Variants in CLSTN2 observed in about 807,000 individuals in gnomAD.
CLSTN2 encodes calsyntenin-2.
In CLSTN2, 48 loss-of-function variants were observed where a neutral mutation model predicts 101.2. The ratio of observed to expected loss-of-function variants is 0.47; its 90% CI spans 0.38 to 0.60. The LOEUF is 0.60. Among genes scored for constraint, CLSTN2 ranks in the 20% least tolerant of loss-of-function variants. The probability of loss-of-function intolerance (pLI) is 0.00; values close to 1 mark genes in which losing one functional copy is unlikely to be tolerated. For synonymous variants in CLSTN2, 481 were observed against 463.6 expected, an observed-to-expected ratio of 1.04 and a Z score of -0.48; for missense variants, 1,160 against 1,238.2, an observed-to-expected ratio of 0.94 and a Z score of 0.95.
At position 140,057,108 on chromosome 3, in the gene CLSTN2, G is replaced by A. The variant is rs112092931; in HGVS notation, c.110-118843G>A. Among the ~76,000 whole-genome samples, 1,277 of 152,348 alleles carry A rather than the reference G, an allele frequency of 8.4e-3. 6 individuals are homozygous for A. The highest frequency in any genetic ancestry group is 0.012 in the Non-Finnish European group (826 of 68,040). On this transcript the variant is annotated intron_variant, in intron 1 of 16. Transcript: ENST00000458420. The stretch of plus-strand genomic sequence containing the variant: ...TAGTAGGCATTTTTCCATGAAGCAA[G>A]TGTCATTATGCCCATGCACAGATGA...
At chr3:139,975,972 G>T (rs1162848747) in intron 1 of CLSTN2, among the ~76,000 whole-genome samples, 1 of 152,208 alleles carries the variant, frequency 6.6e-6, no homozygotes. Context: ...GAGAGACTCA[G>T]GTTTGTGGGT....
intron 8 of CLSTN2, among the ~76,000 whole-genome samples, chr3:140,499,865 C>A (rs1029063395): frequency 1.3e-5 from 2 of 152,054 alleles, no homozygotes; most frequent in Admixed American, 6.6e-5. Flanking sequence ...GAGATCGAGA[C>A]CATCCTGGCT....
At chr3:139,946,292 G>T (rs908701807) in intron 1 of CLSTN2, among the ~76,000 whole-genome samples, 1 of 152,192 alleles carries the variant, frequency 6.6e-6, no homozygotes, top group African/African-American at 2.4e-5. Context: ...AGCTGGAGAT[G>T]CTTCTGCCTG....
At chr3:140,555,195 G>T (rs148734758) in intron 10 of CLSTN2, among the ~76,000 whole-genome samples, 121 of 152,316 alleles carry the variant, frequency 7.9e-4, no homozygotes, top group African/African-American at 2.8e-3. Context: ...CCATGAACTG[G>T]TTATTAAATC....
chr3:140,073,894 G>T (rs2008439101), intron 1 of CLSTN2, among the ~76,000 whole-genome samples: 2 of 152,094 alleles, frequency 1.3e-5, no homozygotes, highest in Admixed American at 6.5e-5. Context: ...CTGTGAACTT[G>T]CCTGAAAAGC....
chr3:140,219,292 AT>A (rs1373144572), intron 2 of CLSTN2, among the ~76,000 whole-genome samples: 1 of 152,036 alleles, frequency 6.6e-6, no homozygotes, highest in East Asian at 2.0e-4. Flanking sequence ...TTCTCATCTT[AT>A]CAAAGACCTT....
intron 1 of CLSTN2, among the ~76,000 whole-genome samples, chr3:140,159,329 C>A (rs2010008327): frequency 6.6e-6 from 1 of 151,812 alleles, no homozygotes; most frequent in Non-Finnish European, 1.5e-5. Flanking sequence ...ATTTAACAAG[C>A]AGAAAACATC....
chr3:140,118,624 G>T (rs1376997103), intron 1 of CLSTN2, among the ~76,000 whole-genome samples: 1 of 152,192 alleles, frequency 6.6e-6, no homozygotes, highest in Non-Finnish European at 1.5e-5. Flanking sequence ...TAGAAAGACT[G>T]GGGGATAGAA....
chr3:140,300,215 A>G (rs961028711), intron 2 of CLSTN2, among the ~76,000 whole-genome samples: 2 of 152,230 alleles, frequency 1.3e-5, no homozygotes, highest in Non-Finnish European at 2.9e-5. Context: ...AATGCATAAG[A>G]ATCAAGTTCC....
intron 2 of CLSTN2, among the ~76,000 whole-genome samples, chr3:140,369,834 A>G (rs938450939): frequency 2.0e-5 from 3 of 152,222 alleles, no homozygotes; most frequent in Non-Finnish European, 4.4e-5. Flanking sequence ...ATGGACACAC[A>G]TGGCCCCACT....
intron 2 of CLSTN2, among the ~76,000 whole-genome samples, chr3:140,246,603 A>G (rs949549077): frequency 1.3e-5 from 2 of 152,236 alleles, no homozygotes; most frequent in African/African-American, 4.8e-5. Context: ...TAACATACAT[A>G]GCAAAATGCC....
intron 1 of CLSTN2, among the ~76,000 whole-genome samples, chr3:140,032,589 G>A (rs951055913): frequency 2.0e-5 from 3 of 151,962 alleles, no homozygotes; most frequent in African/African-American, 4.8e-5. Flanking sequence ...TGCCCACCTC[G>A]GGCTCCCAAA....
In CLSTN2 at chr3:139,958,507, A is replaced by T. The variant is rs1935449063; in HGVS notation, c.109+23024A>T. Among the ~76,000 whole-genome samples, 3 of 152,152 alleles carry T rather than the reference A, an allele frequency of 2.0e-5. No individual in the cohort carries two copies. The South Asian group carries it at 6.2e-4, about 32-fold the overall frequency. On this transcript the variant is annotated intron_variant, in intron 1 of 16. Transcript: ENST00000458420. ...CCATTATAGAATTTGGTAGGACATCAAGGAATAAAATAAATTTGATTTATG... is the reference window on the plus strand; with the variant it reads ...CCATTATAGAATTTGGTAGGACATCTAGGAATAAAATAAATTTGATTTATG...
At chr3:140,408,397 T>C (rs1439026905) in intron 4 of CLSTN2, among the ~76,000 whole-genome samples, 1 of 152,182 alleles carries the variant, frequency 6.6e-6, no homozygotes, top group Non-Finnish European at 1.5e-5. Context: ...ATCAGCCATG[T>C]CGCAGGAGCC....
rs201562702 is a variant in CLSTN2 at position 139,997,804 on chromosome 3, GA to G, written c.109+62329del. On this transcript the variant is annotated intron_variant, in intron 1 of 16. Coordinates refer to ENST00000458420, the MANE Select transcript of CLSTN2 (RefSeq NM_022131.3). ...TTAGAGTCAATTTGTAGAGCCTCTT[GA>G]AAAAAAATTTTTTTTGAATGGAGTT... Among the ~76,000 whole-genome samples the G allele has an allele frequency of 1.1e-4, 17 of 152,064 alleles. No homozygotes were observed. The East Asian group carries it at 1.2e-3, about 10-fold the overall frequency.
chr3:140,100,338 G>A (rs998111462), intron 1 of CLSTN2, among the ~76,000 whole-genome samples: 2 of 151,828 alleles, frequency 1.3e-5, no homozygotes, highest in Non-Finnish European at 2.9e-5. Context: ...AGTTTGCTCC[G>A]ATCCCAATCC....
At position 140,394,835 on chromosome 3, in the gene CLSTN2, G is replaced by A. The variant is rs538206967; in HGVS notation, c.233-8794G>A. ...GTAAATTGTTATTATTATTCATTTTGTTCTTACTATATTATTTATGTCCAG... is the reference window on the plus strand; with the variant it reads ...GTAAATTGTTATTATTATTCATTTTATTCTTACTATATTATTTATGTCCAG... On this transcript the variant is annotated intron_variant, in intron 2 of 16. Coordinates refer to ENST00000458420, the MANE Select transcript of CLSTN2 (RefSeq NM_022131.3). Among the ~76,000 whole-genome samples, 14 of 152,266 alleles carry A rather than the reference G, an allele frequency of 9.2e-5. No homozygotes were observed. In the South Asian group the frequency reaches 2.7e-3, roughly 29 times the overall value.
chr3:140,223,417 G>A (rs1194332486), intron 2 of CLSTN2, among the ~76,000 whole-genome samples: 1 of 152,228 alleles, frequency 6.6e-6, no homozygotes, highest in Admixed American at 6.5e-5. Flanking sequence ...CCCCTTGTGA[G>A]GCCTGGAGCT....
chr3:140,058,878 A>C (rs914613924), intron 1 of CLSTN2, among the ~76,000 whole-genome samples: 2 of 151,928 alleles, frequency 1.3e-5, no homozygotes, highest in Admixed American at 1.3e-4. Context: ...GGAAAGCCAG[A>C]GGGAGGCTGC....
Sources: gnomAD v4.1 joint callset for allele counts (sites outside exome capture counted in the v4.1 genomes callset) on GRCh38, gnomAD v4.1.1 for gene constraint, MANE v1.5 for transcripts, NCBI Gene and HGNC (gene_info 2026-07-23, HGNC 2026-07-21) for gene names.